Variants in KCND2 observed in about 807,000 individuals in gnomAD.
The protein encoded by KCND2 is A-type voltage-gated potassium channel KCND2.
KCND2 carries 16 observed loss-of-function variants against 54.4 expected under a neutral mutation model. The observed-to-expected ratio is 0.29, with a 90% CI of 0.20 to 0.45. The LOEUF (loss-of-function observed/expected upper bound fraction) is 0.45. Among genes scored for constraint, KCND2 ranks in the 20% least tolerant of loss-of-function variants. The pLI is 1.00. For synonymous variants in KCND2, 317 were observed against 310.7 expected (o/e 1.02, Z -0.21); for missense variants, 486 against 824.2 (o/e 0.59, Z 5.02).
intron 1 of KCND2, among the ~76,000 whole-genome samples, chr7:120,649,762 C>G (rs1206047932): frequency 6.6e-6 from 1 of 152,088 alleles, no homozygotes; most frequent in African/African-American, 2.4e-5. Context: ...ACCAGTTGTT[C>G]CTTTCCATGT....
At chr7:120,656,599 A>G (rs1791806517) in intron 1 of KCND2, among the ~76,000 whole-genome samples, 1 of 152,200 alleles carries the variant, frequency 6.6e-6, no homozygotes, top group South Asian at 2.1e-4. Flanking sequence ...ACAATGTGGA[A>G]AACCTGTGAA....
intron 1 of KCND2, among the ~76,000 whole-genome samples, chr7:120,509,039 A>G (rs1803073362): frequency 1.3e-5 from 2 of 151,972 alleles, no homozygotes; most frequent in Non-Finnish European, 2.9e-5. Context: ...TAAACTACCA[A>G]AATGGGAAGG....
At chr7:120,508,801 G>A (rs574610344) in intron 1 of KCND2, among the ~76,000 whole-genome samples, 1 of 151,694 alleles carries the variant, frequency 6.6e-6, no homozygotes, top group Non-Finnish European at 1.5e-5. Context: ...CAACATTGTG[G>A]CATCTACCGA....
rs1799163224 is a variant in KCND2, at chr7:120,275,688, C to T, written c.1056C>T (p.Ser352=). The T allele has an allele frequency of 6.2e-6, 10 of 1,602,040 alleles. No individual in the cohort carries two copies. Among genetic ancestry groups the T allele is most frequent in the Non-Finnish European group, 8.5e-6 (10 of 1,179,942 alleles). Residue 352 remains serine, a synonymous_variant, in exon 1 of 6, where the codon AGC becomes AGT. Transcript: ENST00000331113. The part of the protein sequence containing the change: ...MFYAEKGSSA[S]KFTSIPAAFW... ...ACGCAGAGAAGGGGTCTTCGGCTAG[C>T]AAGTTCACCAGCATCCCTGCAGCCT... is the stretch of plus-strand genomic sequence containing the variant.
At chr7:120,578,942 G>GCACACA (rs1562878210) in intron 1 of KCND2, among the ~76,000 whole-genome samples, 1 of 148,018 alleles carries the variant, frequency 6.8e-6, no homozygotes, top group African/African-American at 2.5e-5. Context: ...ACACACACAC[G>GCACACA]CACACAAAGA....
Position 120,275,083 on chromosome 7 carries a change from G to T in KCND2, c.451G>T (p.Asp151Tyr). ...AGAGAACGCCGAGCGCCTGCAGGAC[G>T]ACGCGGATACCGACACCGCTGGGGA... ...RRENAERLQD[D>Y]ADTDTAGESA... The change falls in exon 1 of 6, where the codon GAC becomes TAC. Residue 151 changes from aspartate to tyrosine, a missense_variant. Asp to Tyr is a radical substitution (Grantham distance 160). Transcript: ENST00000331113. The T allele has an allele frequency of 1.9e-6, 3 of 1,613,814 alleles. No homozygotes were observed. The highest frequency in any genetic ancestry group is 2.5e-6 in the Non-Finnish European group (3 of 1,179,968).
At position 120,577,786 on chromosome 7, in the gene KCND2, C is replaced by T. The variant is rs555655131; in HGVS notation, c.1116-155117C>T. 2.0e-3 allele frequency among the ~76,000 whole-genome samples: 300 copies of T among 152,268 alleles called. 1 individual carries two copies. The highest frequency in any genetic ancestry group is 0.01 in the Middle Eastern group (3 of 294). On this transcript the variant is annotated intron_variant, in intron 1 of 5. Coordinates refer to ENST00000331113, the MANE Select transcript of KCND2 (RefSeq NM_012281.3). ...ATTTTTAGTAGAGATGGGATTTCAC[C>T]GTGTTAGCCAGGATGGTCTTGATCT...
At chr7:120,354,492 C>T (rs1800467507) in intron 1 of KCND2, among the ~76,000 whole-genome samples, 1 of 152,218 alleles carries the variant, frequency 6.6e-6, no homozygotes, top group Non-Finnish European at 1.5e-5. Context: ...AAGCCCATTG[C>T]TATGGTTTCA....
chr7:120,724,705 A>G (rs1584897166), intron 1 of KCND2, among the ~76,000 whole-genome samples: 2 of 152,304 alleles, frequency 1.3e-5, no homozygotes, highest in Admixed American at 1.3e-4. Context: ...TCCAGGCAAC[A>G]AAGACTAGGA....
intron 1 of KCND2, among the ~76,000 whole-genome samples, chr7:120,419,633 A>G (rs887431218): frequency 3.9e-5 from 6 of 152,048 alleles, no homozygotes; most frequent in African/African-American, 7.3e-5. Context: ...GTACATGTGT[A>G]TATATTTTAC....
At chr7:120,337,666 A>G (rs1800171362) in intron 1 of KCND2, among the ~76,000 whole-genome samples, 1 of 152,230 alleles carries the variant, frequency 6.6e-6, no homozygotes, top group African/African-American at 2.4e-5. Flanking sequence ...AGATGCAGGT[A>G]AGCCAACACC....
At chr7:120,424,560 A>T (rs1801673676) in intron 1 of KCND2, among the ~76,000 whole-genome samples, 1 of 152,208 alleles carries the variant, frequency 6.6e-6, no homozygotes, top group Admixed American at 6.5e-5. Flanking sequence ...GAAGCCAAGA[A>T]CAGATTTTGT....
At chr7:120,286,629 T>C (rs1799349128) in intron 1 of KCND2, among the ~76,000 whole-genome samples, 1 of 151,966 alleles carries the variant, frequency 6.6e-6, no homozygotes, top group Non-Finnish European at 1.5e-5. Context: ...GAGTTGTTGA[T>C]TGATGACACA....
At chr7:120,401,418 A>T (rs1377350657) in intron 1 of KCND2, among the ~76,000 whole-genome samples, 2 of 152,154 alleles carry the variant, frequency 1.3e-5, no homozygotes, top group Admixed American at 1.3e-4. Flanking sequence ...CATCTAAAAC[A>T]TTTATACTTT....
In KCND2 at chr7:120,426,588, GTTT is replaced by G. The variant is rs1168044122; in HGVS notation, c.1115+150858_1115+150860del. On this transcript the variant is annotated intron_variant, in intron 1 of 5. Coordinates refer to ENST00000331113, the MANE Select transcript of KCND2 (RefSeq NM_012281.3). ...TACGTTTTTTGTGGGGTTTTTCTTT[GTTT>G]TTTTTTTTTTTTTTTTGAGATGGAG... Among the ~76,000 whole-genome samples, 20 of 96,614 alleles carry G rather than the reference GTTT, an allele frequency of 2.1e-4. 1 individual carries two copies. The highest frequency in any genetic ancestry group is 6.3e-4 in the African/African-American group (16 of 25,430). The allele number at this position is 96,614 out of a possible 152,430, so 63.4% of individuals were successfully genotyped here. A position where few individuals can be genotyped will look rare whatever the true frequency, so the allele number is the denominator to read the frequency against.
At chr7:120,469,360 C>T (rs761371606) in intron 1 of KCND2, among the ~76,000 whole-genome samples, 3 of 152,026 alleles carry the variant, frequency 2.0e-5, no homozygotes, top group Non-Finnish European at 2.9e-5. Context: ...CTGCTCACAG[C>T]GAAGTGTTAC....
chr7:120,273,742 A>G lies in KCND2; in HGVS notation c.-891A>G, dbSNP rs1400537605. On this transcript the variant is annotated 5_prime_UTR_variant, in exon 1 of 6. Transcript: ENST00000331113. The stretch of plus-strand genomic sequence containing the variant: ...CGAGGAGAAAGTCTCTATGCAACTA[A>G]GCCCCGGCGCGCACTTGGCCAGGTA... 1.3e-5 allele frequency: 2 copies of G among 152,580 alleles called. No individual in the cohort carries two copies. Among genetic ancestry groups the G allele is most frequent in the Non-Finnish European group, 2.9e-5 (2 of 68,044 alleles). 9.5% of individuals were successfully genotyped at this position (152,580 alleles called of 1,614,324 possible). A position where few individuals can be genotyped will look rare whatever the true frequency, so the allele number is the denominator to read the frequency against.
chr7:120,275,297 G>T lies in KCND2; in HGVS notation c.665G>T (p.Gly222Val). Residue 222 changes from glycine (G) to valine (V), a missense_variant, in exon 1 of 6, where the codon GGA becomes GTA. Gly to Val is a moderately radical substitution (Grantham distance 109). Around this residue, in one of 7 missense-constraint regions of KCND2, gnomAD observed 231 missense variants for 386.0 expected, o/e 0.60. Transcript: ENST00000331113. The part of the protein sequence containing the change: ...SPGHIKELPC[G>V]ERYAVAFFCL... ...GGTCACATTAAAGAACTGCCCTGTGGAGAGCGGTATGCTGTGGCCTTCTTC... is the reference window on the plus strand; with the variant it reads ...GGTCACATTAAAGAACTGCCCTGTGTAGAGCGGTATGCTGTGGCCTTCTTC... 6.2e-7 allele frequency: 1 copy of T among 1,613,894 alleles called. No homozygotes were observed. Among genetic ancestry groups the T allele is most frequent in the Non-Finnish European group, 8.5e-7 (1 of 1,179,996 alleles).
chr7:120,564,011 A>G (rs1023551104), intron 1 of KCND2, among the ~76,000 whole-genome samples: 5 of 152,160 alleles, frequency 3.3e-5, no homozygotes, highest in South Asian at 2.1e-4. Flanking sequence ...CTTTACTTTT[A>G]GACATATACC....
Sources: allele counts gnomAD v4.1 joint callset (sites outside exome capture counted in the v4.1 genomes callset), GRCh38; gene constraint gnomAD v4.1.1; regional missense constraint gnomAD v4.1.1; transcripts MANE v1.5; gene names NCBI Gene and HGNC (gene_info 2026-07-23, HGNC 2026-07-21).